ASTN2: variants seen among roughly 807,000 people sequenced by gnomAD.
ASTN2 encodes astrotactin-2.
A neutral mutation model predicts 139.8 loss-of-function variants in ASTN2; 54 were observed. The observed-to-expected ratio is 0.39, with a 90% CI of 0.31 to 0.48. ASTN2 has a LOEUF of 0.48. ASTN2 is among the 20% of genes least tolerant of loss of function. ASTN2 has a pLI of 0.95. For synonymous variants in ASTN2, 756 were observed against 719.5 expected (o/e 1.05, Z -0.81); for missense variants, 1,565 against 1,725.1 (o/e 0.91, Z 1.64).
intron 19 of ASTN2, among the ~76,000 whole-genome samples, chr9:116,553,464 T>C (rs146961184): frequency 5.3e-5 from 8 of 152,318 alleles, no homozygotes; most frequent in African/African-American, 1.9e-4. Flanking sequence ...TCGGCAGATA[T>C]TTTCTGCACA....
intron 1 of ASTN2, among the ~76,000 whole-genome samples, chr9:117,383,235 A>G (rs1474149206): frequency 1.3e-5 from 2 of 152,214 alleles, no homozygotes; most frequent in African/African-American, 4.8e-5. Flanking sequence ...CAAAGAGGCA[A>G]TGAGCCATAT....
intron 19 of ASTN2, among the ~76,000 whole-genome samples, chr9:116,539,552 C>T (rs1395261909): frequency 4.6e-5 from 7 of 152,226 alleles, no homozygotes; most frequent in Middle Eastern, 3.4e-3. Context: ...AGCACAAGAA[C>T]GATGCACAGT....
chr9:117,325,502 C>T (rs900371762), intron 1 of ASTN2, among the ~76,000 whole-genome samples: 1 of 152,088 alleles, frequency 6.6e-6, no homozygotes, highest in Non-Finnish European at 1.5e-5. Flanking sequence ...CTTGAAACCC[C>T]CCTCTCCTCC....
chr9:116,892,228 T>G (rs1833778834), intron 10 of ASTN2, among the ~76,000 whole-genome samples: 1 of 152,222 alleles, frequency 6.6e-6, no homozygotes, highest in African/African-American at 2.4e-5. Flanking sequence ...TTTGTTTCAG[T>G]AAAACTACTT....
At chr9:116,804,796 T>A (rs1372260859) in intron 13 of ASTN2, among the ~76,000 whole-genome samples, 1 of 151,168 alleles carries the variant, frequency 6.6e-6, no homozygotes, top group Non-Finnish European at 1.5e-5. Flanking sequence ...TGATAATATC[T>A]TTTTTTTTAT....
At chr9:117,172,035 T>C (rs1286999951) in intron 3 of ASTN2, among the ~76,000 whole-genome samples, 1 of 152,124 alleles carries the variant, frequency 6.6e-6, no homozygotes, top group Non-Finnish European at 1.5e-5. Context: ...AAATAACGCA[T>C]CTGTAGGATC....
Position 116,651,573 on chromosome 9 carries a change from A to T in ASTN2, c.3027T>A (p.Arg1009=), listed in dbSNP as rs141698863. 338 of 1,614,156 alleles carry T rather than the reference A, an allele frequency of 2.1e-4. No homozygotes were observed. The highest frequency in any genetic ancestry group is 4.7e-4 in the Admixed American group (28 of 60,020). Residue 1009 remains arginine (R), a synonymous_variant, in exon 17 of 23, where the codon CGT becomes CGA. Transcript: ENST00000313400. ...SPTPVLLEIN[R]VVPLYTLIQD... is the part of the protein sequence containing the mutation. ...GGATGAGGGTATAAAGTGGCACCACACGGTTGATTTCCAGCAGCACTGGTG... is the reference window on the plus strand; with the variant it reads ...GGATGAGGGTATAAAGTGGCACCACTCGGTTGATTTCCAGCAGCACTGGTG...
chr9:117,196,371 T>C (rs1336748380), intron 3 of ASTN2, among the ~76,000 whole-genome samples: 1 of 152,120 alleles, frequency 6.6e-6, no homozygotes, highest in Non-Finnish European at 1.5e-5. Flanking sequence ...CATCTTCTAC[T>C]CAGGATTAAT....
chr9:116,704,854 T>C (rs1304200500), intron 16 of ASTN2, among the ~76,000 whole-genome samples: 1 of 152,130 alleles, frequency 6.6e-6, no homozygotes, highest in Non-Finnish European at 1.5e-5. Flanking sequence ...GAGGGGTAAA[T>C]AGAGCCAAGA....
At chr9:117,202,677 C>A (rs1831764812) in intron 3 of ASTN2, among the ~76,000 whole-genome samples, 4 of 152,164 alleles carry the variant, frequency 2.6e-5, no homozygotes, top group Admixed American at 2.6e-4. Context: ...TCTCTTCTGG[C>A]TTGTAGAGTT....
chr9:117,052,433 T>TCAAAAAAA lies in ASTN2; in HGVS notation c.1277-12469_1277-12468insTTTTTTTG, dbSNP rs375714439. 2.4e-5 allele frequency among the ~76,000 whole-genome samples: 3 copies of TCAAAAAAA among 125,244 alleles called. 1 individual carries two copies. The allele number at this position is 125,244 out of a possible 152,430, so 82.2% of individuals were successfully genotyped here. ...GCCTGGGCGAGAGAGAGACTCCATC[T>TCAAAAAAA]TAAAAAAAAAAAAAAAAAGAAAGAA... On this transcript the variant is annotated intron_variant, in intron 5 of 22. Transcript: ENST00000313400.
In ASTN2 at chr9:116,993,452, C is replaced by T. The variant is rs547924597; in HGVS notation, c.1591+14640G>A. ...CAACATGTACAGCCCCCTCTTTCTA[C>T]AGGCTTCACACACACACACACACAC... On this transcript the variant is annotated intron_variant, in intron 7 of 22. Transcript: ENST00000313400. Among the ~76,000 whole-genome samples the T allele has an allele frequency of 2.6e-5, 4 of 151,410 alleles. No individual in the cohort carries two copies. The South Asian group carries it at 8.3e-4, about 32-fold the overall frequency.
intron 5 of ASTN2, among the ~76,000 whole-genome samples, chr9:117,067,403 A>G (rs1270127095): frequency 1.6e-5 from 2 of 121,640 alleles, no homozygotes; most frequent in Admixed American, 8.3e-5. Context: ...TGTTTTGGTT[A>G]CTGTAGCCTT....
At chr9:116,634,483 G>A (rs1018501975) in intron 17 of ASTN2, among the ~76,000 whole-genome samples, 4 of 150,700 alleles carry the variant, frequency 2.7e-5, no homozygotes, top group Non-Finnish European at 4.4e-5. Flanking sequence ...CCAGCTACTC[G>A]GAAGGCTGAG....
intron 2 of ASTN2, among the ~76,000 whole-genome samples, chr9:117,243,143 C>T (rs1451279396): frequency 2.0e-5 from 3 of 152,264 alleles, no homozygotes; most frequent in African/African-American, 7.2e-5. Context: ...TTAGCAAGGT[C>T]ATGTGATATG....
At chr9:117,255,979 G>A (rs1344393124) in intron 2 of ASTN2, among the ~76,000 whole-genome samples, 1 of 152,140 alleles carries the variant, frequency 6.6e-6, no homozygotes, top group Admixed American at 6.5e-5. Context: ...TCTATCCAAG[G>A]GAAAAGCAAA....
chr9:116,610,263 T>C lies in ASTN2; in HGVS notation c.3355+8061A>G, dbSNP rs546249471. Among the ~76,000 whole-genome samples the C allele has an allele frequency of 9.2e-5, 14 of 152,266 alleles. No individual in the cohort carries two copies. In the East Asian group the frequency reaches 9.6e-4, roughly 10 times the overall value. On this transcript the variant is annotated intron_variant, in intron 19 of 22. Transcript: ENST00000313400. The stretch of plus-strand genomic sequence containing the variant: ...GATTAAAAAATAAGATCCAACTATA[T>C]ACTATCTTCCAGAAACACACTTTTA...
chr9:116,910,769 C>T (rs1282162496), intron 10 of ASTN2, among the ~76,000 whole-genome samples: 2 of 152,104 alleles, frequency 1.3e-5, no homozygotes, highest in Non-Finnish European at 2.9e-5. Flanking sequence ...TTTCTCAGTG[C>T]AATAAAAAGC....
rs1835508745 is a variant in ASTN2 at position 116,949,889 on chromosome 9, G to A, written c.1889+25319C>T. ...TGTACCTATCTCATAATGCGTTTGT[G>A]AGGATTAAATAAGGCAACTGTATGA... On this transcript the variant is annotated intron_variant, in intron 10 of 22. Coordinates refer to ENST00000313400, the MANE Select transcript of ASTN2 (RefSeq NM_001365068.1). Among the ~76,000 whole-genome samples the A allele has an allele frequency of 2.6e-5, 4 of 152,258 alleles. No individual in the cohort carries two copies. In the South Asian group the frequency reaches 8.3e-4, roughly 32 times the overall value.
Sources: gnomAD v4.1 joint callset for allele counts (sites outside exome capture counted in the v4.1 genomes callset) on GRCh38, gnomAD v4.1.1 for gene constraint, MANE v1.5 for transcripts, NCBI Gene and HGNC (gene_info 2026-07-23, HGNC 2026-07-21) for gene names.